WWOX: variants seen among roughly 807,000 people sequenced by gnomAD.
WWOX encodes the protein WW domain-containing oxidoreductase.
A neutral mutation model predicts 46.2 loss-of-function variants in WWOX; 69 were observed. That is an observed-to-expected ratio of 1.49 (90% CI 1.23 to 1.82). The LOEUF is 1.82. WWOX is among the 40% of genes most tolerant of loss of function. WWOX has a pLI of 0.00. For synonymous variants in WWOX, 359 were observed against 202.6 expected, an observed-to-expected ratio of 1.77 and a Z score of -6.56; for missense variants, 919 against 542.6, an observed-to-expected ratio of 1.69 and a Z score of -6.89.
intron 5 of WWOX, among the ~76,000 whole-genome samples, chr16:78,338,098 A>C (rs2080935549): frequency 8.2e-6 from 1 of 121,812 alleles, no homozygotes; most frequent in South Asian, 2.4e-4. Flanking sequence ...AGAGATGGTA[A>C]CTAATTTAGG....
At chr16:78,950,015 T>C (rs977964509) in intron 8 of WWOX, among the ~76,000 whole-genome samples, 3 of 152,226 alleles carry the variant, frequency 2.0e-5, no homozygotes, top group African/African-American at 7.2e-5. Flanking sequence ...CTGAGGCTTG[T>C]AGACTTTCCA....
At chr16:78,495,145 C>CTTTTTTTTTTTTTTTTTTTTTTTTTT (rs71140804) in intron 8 of WWOX, among the ~76,000 whole-genome samples, 1 of 116,616 alleles carries the variant, frequency 8.6e-6, no homozygotes, top group Non-Finnish European at 1.7e-5. Context: ...CTGTTGTGTT[C>CTTTTTTTTTTTTTTTTTTTTTTTTTT]TTTTTTTTTT....
At chr16:78,370,980 CTTTTTTTTT>C (rs66999008) in intron 5 of WWOX, among the ~76,000 whole-genome samples, 1 of 134,394 alleles carries the variant, frequency 7.4e-6, no homozygotes, top group Admixed American at 7.4e-5. Context: ...GTTGTGATTT[CTTTTTTTTT>C]TTTTTTTACT....
At chr16:79,105,340 G>T (rs145796076) in intron 8 of WWOX, among the ~76,000 whole-genome samples, 2 of 152,200 alleles carry the variant, frequency 1.3e-5, no homozygotes, top group South Asian at 2.1e-4. Flanking sequence ...AAAGCAGAAC[G>T]GTCATCATCT....
At chr16:79,108,058 C>T (rs1250044890) in intron 8 of WWOX, among the ~76,000 whole-genome samples, 1 of 152,180 alleles carries the variant, frequency 6.6e-6, no homozygotes, top group Non-Finnish European at 1.5e-5. Context: ...TTTACATTTT[C>T]TCCTTGATTG....
chr16:78,850,398 C>T (rs373275780), intron 8 of WWOX, among the ~76,000 whole-genome samples: 1 of 152,088 alleles, frequency 6.6e-6, no homozygotes, highest in Non-Finnish European at 1.5e-5. Flanking sequence ...CCTGTTGTAA[C>T]ATAGTGATTA....
intron 8 of WWOX, among the ~76,000 whole-genome samples, chr16:78,591,668 C>T (rs1014288403): frequency 2.0e-5 from 3 of 152,178 alleles, no homozygotes; most frequent in Non-Finnish European, 2.9e-5. Flanking sequence ...TGAGCATAAC[C>T]ATATCAGTTT....
intron 8 of WWOX, among the ~76,000 whole-genome samples, chr16:78,548,053 G>A (rs553860308): frequency 6.6e-6 from 1 of 151,680 alleles, no homozygotes; most frequent in African/African-American, 2.4e-5. Flanking sequence ...TACTCCAGAG[G>A]CTGAGGCAGG....
chr16:78,997,161 C>G (rs984940460), intron 8 of WWOX, among the ~76,000 whole-genome samples: 1 of 151,170 alleles, frequency 6.6e-6, no homozygotes, highest in East Asian at 1.9e-4. Context: ...GAGGGGGGTG[C>G]TATTTTCCGG....
chr16:78,756,320 C>CCA (rs1555529767), intron 8 of WWOX, among the ~76,000 whole-genome samples: 1,752 of 150,864 alleles, frequency 0.012, 31 homozygotes, highest in African/African-American at 0.041. Context: ...GTATTTGAAA[C>CCA]AAACAAAAAA....
chr16:79,052,344 C>T (rs896622669), intron 8 of WWOX, among the ~76,000 whole-genome samples: 12 of 152,162 alleles, frequency 7.9e-5, no homozygotes, highest in Non-Finnish European at 1.5e-4. Context: ...CCAATTTCAT[C>T]CATGTCCCTA....
chr16:78,974,231 G>C (rs1236964032), intron 8 of WWOX, among the ~76,000 whole-genome samples: 1 of 152,200 alleles, frequency 6.6e-6, no homozygotes, highest in Non-Finnish European at 1.5e-5. Context: ...GGATTCTTTT[G>C]GATTTGTGTT....
chr16:78,285,037 C>G lies in WWOX; in HGVS notation c.517-101823C>G, dbSNP rs193119140. Among the ~76,000 whole-genome samples, 612 of 152,270 alleles carry G rather than the reference C, an allele frequency of 4.0e-3. 5 individuals carry two copies. Among genetic ancestry groups the G allele is most frequent in the Non-Finnish European group, 5.8e-3 (392 of 68,022 alleles). The stretch of plus-strand genomic sequence containing the variant: ...GATGATGTCATTAATGCTTGGCTAG[C>G]TGGTGGACTTAAACCCAGAGGGCAC... On this transcript the variant is annotated intron_variant, in intron 5 of 8. Coordinates refer to ENST00000566780, the MANE Select transcript of WWOX (RefSeq NM_016373.4).
At chr16:79,060,853 G>T (rs541416304) in intron 8 of WWOX, among the ~76,000 whole-genome samples, 2 of 152,190 alleles carry the variant, frequency 1.3e-5, no homozygotes, top group African/African-American at 4.8e-5. Context: ...TTATTGAAAT[G>T]AATATTGGTT....
At chr16:78,152,965 A>G (rs1357225504) in intron 4 of WWOX, among the ~76,000 whole-genome samples, 1 of 152,194 alleles carries the variant, frequency 6.6e-6, no homozygotes, top group Non-Finnish European at 1.5e-5. Flanking sequence ...GAAGCTCTGT[A>G]GGGATTTGTT....
At chr16:78,243,639 T>G (rs1464431378) in intron 5 of WWOX, among the ~76,000 whole-genome samples, 1 of 152,162 alleles carries the variant, frequency 6.6e-6, no homozygotes, top group Non-Finnish European at 1.5e-5. Context: ...CTCCACCTCC[T>G]GGGTTCAAGC....
chr16:78,505,232 T>A (rs2085165047), intron 8 of WWOX, among the ~76,000 whole-genome samples: 1 of 152,198 alleles, frequency 6.6e-6, no homozygotes, highest in Admixed American at 6.5e-5. Flanking sequence ...GCCTCTAGAA[T>A]GCCTGGAGTG....
intron 8 of WWOX, among the ~76,000 whole-genome samples, chr16:78,948,459 C>G (rs573464529): frequency 1.3e-5 from 2 of 152,150 alleles, no homozygotes; most frequent in African/African-American, 4.8e-5. Context: ...AGAGGTCTGT[C>G]TCTTGCGGCA....
At chr16:79,096,295 T>C (rs1296934555) in intron 8 of WWOX, among the ~76,000 whole-genome samples, 1 of 152,128 alleles carries the variant, frequency 6.6e-6, no homozygotes, top group African/African-American at 2.4e-5. Flanking sequence ...CTCCGAACTT[T>C]CTGAAGGCGT....
Sources: gnomAD v4.1 joint callset for allele counts (sites outside exome capture counted in the v4.1 genomes callset) on GRCh38, gnomAD v4.1.1 for gene constraint, MANE v1.5 for transcripts, NCBI Gene and HGNC (gene_info 2026-07-23, HGNC 2026-07-21) for gene names.